PHC3: variants seen among roughly 807,000 people sequenced by gnomAD.
PHC3 encodes polyhomeotic-like protein 3.
In PHC3, 13 loss-of-function variants were observed where a neutral mutation model predicts 107.4. The ratio of observed to expected loss-of-function variants is 0.12; its 90% CI spans 0.08 to 0.19. The LOEUF is 0.19. PHC3 is among the 10% of genes least tolerant of loss of function. PHC3 has a pLI of 1.00. For missense variants in PHC3, 992 were observed against 1,210.9 expected (o/e 0.82, Z 2.68); for synonymous variants, 456 against 427.4 (o/e 1.07, Z -0.83).
intron 9 of PHC3, among the ~76,000 whole-genome samples, chr3:170,120,504 CG>C (rs1479948256): frequency 1.3e-5 from 2 of 151,380 alleles, no homozygotes; most frequent in Non-Finnish European, 2.9e-5. Context: ...ACCCAGGAGG[CG>C]AAAGTTGCAG....
chr3:170,178,726 A>G, intron 2 of PHC3, 47 bp downstream of exon 2: 2 of 1,586,140 alleles, frequency 1.3e-6, no homozygotes, highest in Non-Finnish European at 1.7e-6. Context: ...GCAAAAAGTA[A>G]TATGACATCT....
chr3:170,178,898 G>A lies in PHC3; in HGVS notation c.55C>T (p.Pro19Ser). ...GTTGTTGACACAGAAGATGTTCCCGGGTTTGGTTCAGTATCCATAGCTGTA... is the reference window on the plus strand; with the variant it reads ...GTTGTTGACACAGAAGATGTTCCCGAGTTTGGTTCAGTATCCATAGCTGTA... Reference protein sequence around the residue: ...HSTAMDTEPNPGTSSVSTTTS... With the variant: ...HSTAMDTEPNSGTSSVSTTTS... Residue 19 changes from proline to serine, a missense_variant, in exon 2 of 15, where the codon CCG (proline) becomes TCG (serine). By Grantham distance (74) the Pro-to-Ser change is moderately conservative. Transcript: ENST00000495893. The A allele has an allele frequency of 6.2e-7, 1 of 1,613,882 alleles. No homozygotes were observed. Among genetic ancestry groups the A allele is most frequent in the South Asian group, 1.1e-5 (1 of 91,070 alleles).
intron 6 of PHC3, among the ~76,000 whole-genome samples, chr3:170,144,280 G>A (rs970337769): frequency 2.6e-5 from 4 of 151,646 alleles, no homozygotes; most frequent in African/African-American, 9.7e-5. Flanking sequence ...GGTGGAGGTT[G>A]CAGTGAGCGG....
chr3:170,118,145 G>A (rs930565966), intron 9 of PHC3, among the ~76,000 whole-genome samples: 2 of 152,200 alleles, frequency 1.3e-5, no homozygotes, highest in Non-Finnish European at 2.9e-5. Context: ...AATCCCCTAT[G>A]TTCCTATTTA....
At chr3:170,168,546 A>C (rs1444850228) in intron 4 of PHC3, among the ~76,000 whole-genome samples, 3 of 152,140 alleles carry the variant, frequency 2.0e-5, no homozygotes, top group Admixed American at 2.0e-4. Flanking sequence ...CAGGTGGATC[A>C]CAAGGTCAAG....
chr3:170,129,638 CAGA>C, intron 7 of PHC3, 86 bp from the exon 8 acceptor site: 1 of 1,246,460 alleles, frequency 8.0e-7, no homozygotes, highest in African/African-American at 1.5e-5. Context: ...TGTTCATTAT[CAGA>C]AGGTCATAAT....
In PHC3 at chr3:170,097,587, G is replaced by A. The variant is rs965629733; in HGVS notation, c.2834-203C>T. Among the ~76,000 whole-genome samples, 97 of 152,186 alleles carry A rather than the reference G, an allele frequency of 6.4e-4. 1 individual carries two copies. The highest frequency in any genetic ancestry group is 2.2e-3 in the African/African-American group (91 of 41,522). The stretch of plus-strand genomic sequence containing the variant: ...CTGAAAATAAGAATTCAAAATCCAG[G>A]TAAAGCAATTTGCTTGGAATTCTTG... On this transcript the variant is annotated intron_variant, in intron 14 of 14. Transcript: ENST00000495893. The surrounding 1 kb of genome is among the most constrained non-coding windows in gnomAD (Gnocchi z 4.1).
At chr3:170,168,899 T>C (rs1729157873) in intron 4 of PHC3, among the ~76,000 whole-genome samples, 1 of 151,604 alleles carries the variant, frequency 6.6e-6, no homozygotes. Context: ...CCAAACCACA[T>C]ATAGATGGAG....
chr3:170,165,753 C>CAAAAAA (rs1201987701), intron 4 of PHC3, among the ~76,000 whole-genome samples: 4 of 41,116 alleles, frequency 9.7e-5, no homozygotes, highest in Admixed American at 3.3e-4. Context: ...GACCTTGTCT[C>CAAAAAA]AAAAAAAAAA....
intron 8 of PHC3, 104 bp from the exon 9 acceptor site, chr3:170,122,848 C>A: frequency 1.2e-5 from 16 of 1,347,784 alleles, no homozygotes; most frequent in Admixed American, 5.3e-5. Flanking sequence ...AATTTAAAAA[C>A]AAGGCAAAAA....
intron 11 of PHC3, among the ~76,000 whole-genome samples, chr3:170,111,063 T>C (rs1166317134): frequency 3.9e-5 from 6 of 152,272 alleles, no homozygotes; most frequent in African/African-American, 1.4e-4. Flanking sequence ...ACAGACCTTA[T>C]TTGGAACCTG....
intron 4 of PHC3, among the ~76,000 whole-genome samples, chr3:170,160,410 C>T (rs1727696781): frequency 6.6e-6 from 1 of 152,148 alleles, no homozygotes; most frequent in East Asian, 1.9e-4. Flanking sequence ...TCTTCAAATG[C>T]ATACTCCCTG....
At chr3:170,104,602 C>T (rs1472298366) in intron 12 of PHC3, among the ~76,000 whole-genome samples, 1 of 152,074 alleles carries the variant, frequency 6.6e-6, no homozygotes, top group Non-Finnish European at 1.5e-5. Flanking sequence ...AAGAAAGTTA[C>T]AAGAATAAAT....
chr3:170,109,791 A>G lies in PHC3; in HGVS notation c.2354-2845T>C, dbSNP rs1226504716. 5.3e-5 allele frequency among the ~76,000 whole-genome samples: 8 copies of G among 152,246 alleles called. No homozygotes were observed. The East Asian group carries it at 1.5e-3, about 29-fold the overall frequency. ...TCATTATAGAACCAGTCTAAAGAGA[A>G]CCACAGTTTATCCTTTATATGCTTA... On this transcript the variant is annotated intron_variant, in intron 11 of 14. Transcript: ENST00000495893.
In PHC3 at chr3:170,181,640, A is replaced by G. The variant is rs1202379130; in HGVS notation, c.14+62T>C. ...GAGCCCTGAGCTTTCCCCTGGGGGA[A>G]CGTGTCGCTGCCCCAACTCGCCCCC... On this transcript the variant is annotated intron_variant, in intron 1 of 14. Transcript: ENST00000495893. The G allele has an allele frequency of 4.3e-6, 7 of 1,610,158 alleles. No homozygotes were observed. In the Admixed American group the frequency reaches 1.2e-4, roughly 27 times the overall value.
At chr3:170,174,343 TAA>T (rs1232326707) in intron 2 of PHC3, among the ~76,000 whole-genome samples, 1 of 152,176 alleles carries the variant, frequency 6.6e-6, no homozygotes, top group Admixed American at 6.5e-5. Flanking sequence ...CTTAATTCCT[TAA>T]AAAGTGTTAA....
At chr3:170,137,931 G>A (rs765615177) in intron 6 of PHC3, among the ~76,000 whole-genome samples, 3 of 152,146 alleles carry the variant, frequency 2.0e-5, no homozygotes, top group Non-Finnish European at 4.4e-5. Context: ...GCTGGGTGTG[G>A]TGCCTCGCAC....
chr3:170,146,369 C>T (rs1461724051), intron 5 of PHC3, among the ~76,000 whole-genome samples: 1 of 142,856 alleles, frequency 7.0e-6, no homozygotes, highest in South Asian at 2.2e-4. Flanking sequence ...AGCAAGACTC[C>T]ATCTCAAAAA....
At chr3:170,173,609 T>TA (rs1729959364) in intron 2 of PHC3, among the ~76,000 whole-genome samples, 2 of 152,232 alleles carry the variant, frequency 1.3e-5, no homozygotes, top group African/African-American at 4.8e-5. Flanking sequence ...AATTGAATTT[T>TA]AATTAATTTT....
Sources: gnomAD v4.1 joint callset for allele counts (sites outside exome capture counted in the v4.1 genomes callset) on GRCh38, gnomAD v4.1.1 for gene constraint, Gnocchi (gnomAD v3.1) non-coding constraint, MANE v1.5 for transcripts, NCBI Gene and HGNC (gene_info 2026-07-23, HGNC 2026-07-21) for gene names.